CTNND2: variants seen among roughly 807,000 people sequenced by gnomAD.
CTNND2 encodes catenin delta-2.
Under a neutral mutation model 144.4 loss-of-function variants are expected in CTNND2, and 22 were observed. That is an observed-to-expected ratio of 0.15 (90% CI 0.11 to 0.22). The LOEUF (loss-of-function observed/expected upper bound fraction) is 0.22. Among genes scored for constraint, CTNND2 ranks in the 10% least tolerant of loss-of-function variants. The pLI, the probability that CTNND2 is intolerant of heterozygous loss-of-function variation, is 1.00. For synonymous variants in CTNND2, 751 were observed against 695.6 expected, an observed-to-expected ratio of 1.08 and a Z score of -1.25; for missense variants, 1,353 against 1,618.8, an observed-to-expected ratio of 0.84 and a Z score of 2.82.
chr5:11,145,246 A>G (rs1161809175), intron 12 of CTNND2, among the ~76,000 whole-genome samples: 2 of 152,126 alleles, frequency 1.3e-5, no homozygotes, highest in Non-Finnish European at 2.9e-5. Flanking sequence ...ATATTTTTTC[A>G]TCTAAATCAA....
rs529681343 is a variant in CTNND2 at position 11,693,934 on chromosome 5, T to C, written c.174+38202A>G. 2.0e-5 allele frequency among the ~76,000 whole-genome samples: 3 copies of C among 152,348 alleles called. No individual in the cohort carries two copies. The East Asian group carries it at 5.8e-4, about 29-fold the overall frequency. ...TAATCTTGTTTTATGGATGTTTCTC[T>C]TTGAAGCTATCTTATTTTTATATAT... is the stretch of plus-strand genomic sequence containing the variant. On this transcript the variant is annotated intron_variant, in intron 2 of 21. Coordinates refer to ENST00000304623, the MANE Select transcript of CTNND2 (RefSeq NM_001332.4).
intron 11 of CTNND2, among the ~76,000 whole-genome samples, chr5:11,182,175 C>T (rs1419876471): frequency 1.2e-4 from 9 of 74,932 alleles, no homozygotes; most frequent in South Asian, 4.7e-4. Flanking sequence ...TGTGAGTGGG[C>T]GTGTGGTGTG....
Position 11,364,847 on chromosome 5 carries a change from G to A in CTNND2, c.1221C>T (p.Gly407=), listed in dbSNP as rs1756813343. 1 of 1,613,480 alleles carries A rather than the reference G, an allele frequency of 6.2e-7. No homozygotes were observed. Among genetic ancestry groups the A allele is most frequent in the Non-Finnish European group, 8.5e-7 (1 of 1,179,714 alleles). ...GGGACTGCAGGGCCCGCAACTCTGG[G>A]CCCAGGTGCCCATGCTGGCTGCTGT... ...ASYSSQHGHL[G]PELRALQSPE... is the part of the protein sequence containing the mutation. Residue 407 remains glycine, a synonymous_variant, in exon 8 of 22, where the codon GGC becomes GGT. Transcript: ENST00000304623.
intron 7 of CTNND2, among the ~76,000 whole-genome samples, chr5:11,366,659 A>G (rs1313390686): frequency 7.5e-6 from 1 of 133,104 alleles, no homozygotes. Context: ...AAATATTGCT[A>G]AGGATTTAAA....
chr5:11,525,836 C>T (rs1020085867), intron 3 of CTNND2, among the ~76,000 whole-genome samples: 3 of 152,198 alleles, frequency 2.0e-5, no homozygotes, highest in Non-Finnish European at 4.4e-5. Context: ...CCCTGAGCTG[C>T]TGGGATAGGC....
chr5:11,704,024 C>A (rs562776938), intron 2 of CTNND2, among the ~76,000 whole-genome samples: 3 of 152,162 alleles, frequency 2.0e-5, no homozygotes, highest in Non-Finnish European at 4.4e-5. Flanking sequence ...AAGCATCCTA[C>A]AATTTTTTTC....
intron 8 of CTNND2, among the ~76,000 whole-genome samples, chr5:11,355,276 C>G (rs1171141019): frequency 6.6e-6 from 1 of 151,904 alleles, no homozygotes; most frequent in Non-Finnish European, 1.5e-5. Context: ...CAACAAGATA[C>G]TAGAAATGCA....
At chr5:11,840,504 T>C (rs1414094194) in intron 1 of CTNND2, among the ~76,000 whole-genome samples, 1 of 152,180 alleles carries the variant, frequency 6.6e-6, no homozygotes, top group Non-Finnish European at 1.5e-5. Context: ...TGGTTTTATA[T>C]TTTTCAAAGA....
At chr5:11,387,164 G>C (rs927877202) in intron 6 of CTNND2, among the ~76,000 whole-genome samples, 4 of 150,992 alleles carry the variant, frequency 2.6e-5, no homozygotes, top group Non-Finnish European at 4.4e-5. Flanking sequence ...TGATTTCACT[G>C]TGCAACCAAG....
intron 16 of CTNND2, among the ~76,000 whole-genome samples, chr5:11,043,548 G>A (rs1037468611): frequency 6.6e-6 from 1 of 152,094 alleles, no homozygotes; most frequent in African/African-American, 2.4e-5. Context: ...CATAAGGTAT[G>A]ATGAAATGAA....
intron 2 of CTNND2, among the ~76,000 whole-genome samples, chr5:11,662,209 A>ATGTG (rs1783284963): frequency 3.0e-5 from 4 of 133,104 alleles, no homozygotes; most frequent in African/African-American, 9.5e-5. Context: ...ATATATGTAT[A>ATGTG]TATATACATA....
intron 1 of CTNND2, among the ~76,000 whole-genome samples, chr5:11,780,297 A>C (rs1047911653): frequency 6.6e-6 from 1 of 152,182 alleles, no homozygotes; most frequent in African/African-American, 2.4e-5. Flanking sequence ...CTCAGAAACC[A>C]GGAATTCAAT....
At chr5:11,378,342 G>A (rs1758138697) in intron 7 of CTNND2, among the ~76,000 whole-genome samples, 1 of 152,172 alleles carries the variant, frequency 6.6e-6, no homozygotes. Context: ...TGGCCAGCAG[G>A]GAAGGCAATG....
chr5:11,725,843 C>A (rs1253899289), intron 2 of CTNND2, among the ~76,000 whole-genome samples: 1 of 152,142 alleles, frequency 6.6e-6, no homozygotes, highest in Non-Finnish European at 1.5e-5. Context: ...TGTTTCCTTG[C>A]TCTAAAATAA....
chr5:11,808,898 C>T (rs111927838), intron 1 of CTNND2, among the ~76,000 whole-genome samples: 47 of 152,262 alleles, frequency 3.1e-4, no homozygotes, highest in African/African-American at 1.1e-3. Context: ...GCAGACAAAA[C>T]ATCCACGATA....
At chr5:11,012,198 G>A (rs1265448869) in intron 18 of CTNND2, among the ~76,000 whole-genome samples, 1 of 152,110 alleles carries the variant, frequency 6.6e-6, no homozygotes, top group East Asian at 1.9e-4. Flanking sequence ...ACTGAGGCAA[G>A]TGTTATGGCT....
intron 10 of CTNND2, among the ~76,000 whole-genome samples, chr5:11,216,357 CAT>C (rs779257401): frequency 7.9e-5 from 12 of 152,202 alleles, no homozygotes; most frequent in Non-Finnish European, 1.8e-4. Flanking sequence ...AAGAGTCTAA[CAT>C]TAACTATCTG....
At chr5:11,847,871 G>T (rs749418278) in intron 1 of CTNND2, among the ~76,000 whole-genome samples, 3 of 152,018 alleles carry the variant, frequency 2.0e-5, no homozygotes, top group Non-Finnish European at 4.4e-5. Flanking sequence ...CATATCTACA[G>T]ATATTTTCAT....
chr5:11,115,587 A>G (rs1459731382), intron 13 of CTNND2, among the ~76,000 whole-genome samples: 1 of 152,202 alleles, frequency 6.6e-6, no homozygotes, highest in African/African-American at 2.4e-5. Context: ...TAGGAATTTA[A>G]TTTTCCTGTC....
Sources: allele counts gnomAD v4.1 joint callset (sites outside exome capture counted in the v4.1 genomes callset), GRCh38; gene constraint gnomAD v4.1.1; transcripts MANE v1.5; gene names NCBI Gene and HGNC (gene_info 2026-07-23, HGNC 2026-07-21).